The following SDK1 variants were observed in gnomAD, a reference collection of about 807,000 sequenced individuals.
SDK1 encodes the protein protein sidekick-1.
Under a neutral mutation model 245.5 loss-of-function variants are expected in SDK1, and 157 were observed. That is an observed-to-expected ratio of 0.64 (90% CI 0.56 to 0.73). The LOEUF (loss-of-function observed/expected upper bound fraction) is 0.73, where lower values mean the gene tolerates loss of function less well. SDK1 is among the 30% of genes least tolerant of loss of function. The probability of loss-of-function intolerance (pLI) is 0.00; values close to 1 mark genes in which losing one functional copy is unlikely to be tolerated. For missense variants in SDK1, 3,583 were observed against 3,002.3 expected, an observed-to-expected ratio of 1.19 and a Z score of -4.52; for synonymous variants, 1,647 against 1,278.5, an observed-to-expected ratio of 1.29 and a Z score of -6.15.
chr7:3,519,935 T>C (rs1782879225), intron 1 of SDK1, among the ~76,000 whole-genome samples: 2 of 152,214 alleles, frequency 1.3e-5, no homozygotes, highest in Non-Finnish European at 1.5e-5. Context: ...ATATTAATAG[T>C]ACTGATGAAC....
At chr7:3,304,596 A>G (rs891066845) in intron 1 of SDK1, among the ~76,000 whole-genome samples, 12 of 152,138 alleles carry the variant, frequency 7.9e-5, no homozygotes, top group Admixed American at 1.3e-4. Context: ...ACTTGGACCT[A>G]TGGTTCTCCA....
chr7:3,408,089 A>G (rs1285397645), intron 1 of SDK1, among the ~76,000 whole-genome samples: 1 of 152,032 alleles, frequency 6.6e-6, no homozygotes, highest in African/African-American at 2.4e-5. Flanking sequence ...CCAGGCTGGA[A>G]TGCAGTGGTG....
chr7:3,777,886 G>A (rs1294562085), intron 4 of SDK1, among the ~76,000 whole-genome samples: 1 of 152,148 alleles, frequency 6.6e-6, no homozygotes, highest in Non-Finnish European at 1.5e-5. Flanking sequence ...AAGGAGACAT[G>A]GTCCTTTTCT....
At chr7:3,847,945 T>A (rs1462529289) in intron 5 of SDK1, among the ~76,000 whole-genome samples, 1 of 152,100 alleles carries the variant, frequency 6.6e-6, no homozygotes, top group African/African-American at 2.4e-5. Flanking sequence ...TAATGTTCTT[T>A]TATGCTTGAA....
In SDK1 at chr7:4,265,423, A is replaced by C. The variant is rs1027530134; in HGVS notation, c.*39A>C. On this transcript the variant is annotated 3_prime_UTR_variant, in exon 45 of 45. Coordinates refer to ENST00000404826, the MANE Select transcript of SDK1 (RefSeq NM_152744.4). ...CCTCCCTCAGGGCGGAACGGAGGCA[A>C]CTTTCCGGAGTCTATTTTTGTTAAG... 2.1e-6 allele frequency: 3 copies of C among 1,405,092 alleles called. No homozygotes were observed. In the South Asian group the frequency reaches 4.7e-5, roughly 22 times the overall value. 87.0% of individuals were successfully genotyped at this position (1,405,092 alleles called of 1,614,324 possible).
At chr7:3,888,858 A>G (rs1479360854) in intron 5 of SDK1, among the ~76,000 whole-genome samples, 4 of 152,294 alleles carry the variant, frequency 2.6e-5, no homozygotes, top group African/African-American at 2.4e-5. Context: ...ATGTTATGCT[A>G]TATGTTATTT....
At chr7:3,441,715 G>A (rs1780201689) in intron 1 of SDK1, among the ~76,000 whole-genome samples, 1 of 152,050 alleles carries the variant, frequency 6.6e-6, no homozygotes, top group Non-Finnish European at 1.5e-5. Flanking sequence ...ATTTTGACTG[G>A]GATTGCATTG....
chr7:3,676,102 A>G (rs577028944), intron 4 of SDK1, among the ~76,000 whole-genome samples: 2 of 152,234 alleles, frequency 1.3e-5, no homozygotes, highest in South Asian at 4.1e-4. Flanking sequence ...AGTAGCTGGG[A>G]CTACAGGTGC....
chr7:4,103,631 G>A (rs1315024149), intron 22 of SDK1, among the ~76,000 whole-genome samples: 2 of 152,156 alleles, frequency 1.3e-5, no homozygotes, highest in African/African-American at 2.4e-5. Context: ...TAAATCATTC[G>A]CATGTTCATT....
rs114197120 is a variant in SDK1, at chr7:3,377,013, C to G, written c.298+75129C>G. Among the ~76,000 whole-genome samples, 1,346 of 152,186 alleles carry G rather than the reference C, an allele frequency of 8.8e-3. 25 individuals carry two copies. Among genetic ancestry groups the G allele is most frequent in the African/African-American group, 0.03 (1,248 of 41,458 alleles). On this transcript the variant is annotated intron_variant, in intron 1 of 44. Transcript: ENST00000404826. The stretch of plus-strand genomic sequence containing the variant: ...TTAATTTTAACTTCCTTGTTGCCAA[C>G]TCTCTATTCTGAAATCGATTCTAAC...
chr7:3,649,170 G>T (rs760789119), intron 4 of SDK1, among the ~76,000 whole-genome samples: 1 of 152,166 alleles, frequency 6.6e-6, no homozygotes, highest in Non-Finnish European at 1.5e-5. Context: ...GGTGAGGGTC[G>T]TGCTGCCACG....
At chr7:4,212,646 C>G (rs1252874531) in intron 38 of SDK1, among the ~76,000 whole-genome samples, 1 of 152,136 alleles carries the variant, frequency 6.6e-6, no homozygotes, top group Non-Finnish European at 1.5e-5. Flanking sequence ...AGCAGAGGCC[C>G]AGAAGCAGGC....
intron 1 of SDK1, among the ~76,000 whole-genome samples, chr7:3,310,763 A>G (rs1315262697): frequency 6.6e-6 from 1 of 152,232 alleles, no homozygotes; most frequent in Non-Finnish European, 1.5e-5. Context: ...ACAGTATAGC[A>G]TACTGTTTAA....
At chr7:3,914,587 G>T (rs894030216) in intron 5 of SDK1, among the ~76,000 whole-genome samples, 1 of 152,152 alleles carries the variant, frequency 6.6e-6, no homozygotes, top group Non-Finnish European at 1.5e-5. Context: ...ATGAAGCTAG[G>T]GAAGTTCAAA....
At chr7:3,360,035 C>T (rs1780911589) in intron 1 of SDK1, among the ~76,000 whole-genome samples, 1 of 152,200 alleles carries the variant, frequency 6.6e-6, no homozygotes, top group Non-Finnish European at 1.5e-5. Flanking sequence ...TGCCATTCTG[C>T]TGTCATCTTT....
intron 4 of SDK1, among the ~76,000 whole-genome samples, chr7:3,653,321 C>T (rs551188585): frequency 2.0e-5 from 3 of 152,304 alleles, no homozygotes; most frequent in East Asian, 1.9e-4. Flanking sequence ...TGTAGGCGTT[C>T]TGTTTTCTTG....
At chr7:3,810,054 T>C (rs11979547) in intron 4 of SDK1, among the ~76,000 whole-genome samples, 2,549 of 152,272 alleles carry the variant, frequency 0.017, 82 homozygotes, top group African/African-American at 0.058. Flanking sequence ...TAATTTTTGA[T>C]GGAATTATTT....
chr7:3,797,009 CT>C (rs779837755), intron 4 of SDK1, among the ~76,000 whole-genome samples: 1 of 145,586 alleles, frequency 6.9e-6, no homozygotes, highest in East Asian at 2.0e-4. Flanking sequence ...TTCTTTCTTT[CT>C]TTTTTTTCTT....
chr7:3,539,021 C>T (rs901220520), intron 1 of SDK1, among the ~76,000 whole-genome samples: 2 of 152,180 alleles, frequency 1.3e-5, no homozygotes, highest in African/African-American at 4.8e-5. Flanking sequence ...TGGCTCAGTT[C>T]ATAGGAAAGA....
Sources: allele counts gnomAD v4.1 joint callset (sites outside exome capture counted in the v4.1 genomes callset), GRCh38; gene constraint gnomAD v4.1.1; transcripts MANE v1.5; gene names NCBI Gene and HGNC (gene_info 2026-07-23, HGNC 2026-07-21).